The following CORIN variants were observed in gnomAD, a reference collection of about 807,000 sequenced individuals.
CORIN encodes the protein atrial natriuretic peptide-converting enzyme.
Under a neutral mutation model 125.3 loss-of-function variants are expected in CORIN, and 117 were observed. The ratio of observed to expected loss-of-function variants is 0.93; its 90% confidence interval spans 0.80 to 1.09. The LOEUF (loss-of-function observed/expected upper bound fraction) is 1.09, where lower values mean the gene tolerates loss of function less well. CORIN is among the 50% of genes least tolerant of loss of function. The pLI is 0.00. For synonymous variants in CORIN, 450 were observed against 466.4 expected (o/e 0.96, Z 0.45); for missense variants, 1,253 against 1,306.7 (o/e 0.96, Z 0.63).
chr4:47,602,838 G>A (rs1350797864), intron 20 of CORIN, among the ~76,000 whole-genome samples: 1 of 152,102 alleles, frequency 6.6e-6, no homozygotes, highest in Non-Finnish European at 1.5e-5. Context: ...ATTTTTGTAA[G>A]AGAAAATGGG....
intron 3 of CORIN, among the ~76,000 whole-genome samples, chr4:47,781,496 G>C (rs560098352): frequency 1.2e-4 from 18 of 152,310 alleles, no homozygotes; most frequent in African/African-American, 3.8e-4. Flanking sequence ...TAATGTAAAT[G>C]TTCTGAGCAC....
At chr4:47,666,236 C>T (rs1560496356) in intron 10 of CORIN, among the ~76,000 whole-genome samples, 1 of 152,198 alleles carries the variant, frequency 6.6e-6, no homozygotes, top group Non-Finnish European at 1.5e-5. Context: ...ACATACCCAC[C>T]ATATGTTCAT....
At chr4:47,638,053 C>T (rs1421122340) in intron 16 of CORIN, among the ~76,000 whole-genome samples, 1 of 148,096 alleles carries the variant, frequency 6.8e-6, no homozygotes, top group Non-Finnish European at 1.5e-5. Context: ...AGATGCAAGA[C>T]ATGGAGTCAA....
At chr4:47,623,271 T>C (rs150188061) in intron 19 of CORIN, among the ~76,000 whole-genome samples, 2 of 152,210 alleles carry the variant, frequency 1.3e-5, no homozygotes, top group African/African-American at 4.8e-5. Flanking sequence ...ATATATGTGA[T>C]ATATTTAAGA....
intron 19 of CORIN, among the ~76,000 whole-genome samples, chr4:47,610,735 T>A (rs901726085): frequency 6.6e-6 from 1 of 152,222 alleles, no homozygotes; most frequent in Non-Finnish European, 1.5e-5. Flanking sequence ...GTTTTACATC[T>A]AAGTCTTTAA....
intron 5 of CORIN, among the ~76,000 whole-genome samples, chr4:47,717,348 T>C (rs1156429372): frequency 2.0e-5 from 3 of 152,190 alleles, no homozygotes; most frequent in Admixed American, 6.5e-5. Context: ...ATTGTTCTTA[T>C]CAAATGCAGA....
intron 10 of CORIN, among the ~76,000 whole-genome samples, chr4:47,667,349 T>C (rs983256807): frequency 2.0e-5 from 3 of 152,132 alleles, no homozygotes; most frequent in African/African-American, 4.8e-5. Context: ...TTGGGCAGCT[T>C]TGGGGGAATA....
chr4:47,627,004 G>T (rs1472088748), intron 16 of CORIN, among the ~76,000 whole-genome samples: 3 of 149,402 alleles, frequency 2.0e-5, no homozygotes, highest in African/African-American at 7.4e-5. Flanking sequence ...TTTTTTTTTT[G>T]ATGAAGTCTT....
intron 3 of CORIN, among the ~76,000 whole-genome samples, chr4:47,770,661 T>A (rs777698800): frequency 6.6e-6 from 1 of 152,160 alleles, no homozygotes; most frequent in Non-Finnish European, 1.5e-5. Flanking sequence ...AAAGAACATG[T>A]AGTATATACA....
chr4:47,716,651 AAT>A (rs989467089), intron 5 of CORIN, among the ~76,000 whole-genome samples: 2 of 152,142 alleles, frequency 1.3e-5, no homozygotes, highest in African/African-American at 4.8e-5. Flanking sequence ...TCAAATATAT[AAT>A]ATATATAGAT....
chr4:47,833,812 A>G (rs554307765), intron 1 of CORIN, among the ~76,000 whole-genome samples: 1 of 152,342 alleles, frequency 6.6e-6, no homozygotes, highest in East Asian at 1.9e-4. Flanking sequence ...AAGATGCTCA[A>G]CATCACCAAT....
At chr4:47,692,841 TG>T in intron 6 of CORIN, 128 bp downstream of exon 6, 4 of 704,542 alleles carry the variant, frequency 5.7e-6, no homozygotes, top group Non-Finnish European at 1.0e-5. Context: ...GCTGTCATTC[TG>T]GGGGAAGATA....
At chr4:47,663,401 C>T (rs1724338205) in intron 11 of CORIN, among the ~76,000 whole-genome samples, 1 of 151,894 alleles carries the variant, frequency 6.6e-6, no homozygotes, top group African/African-American at 2.4e-5. Context: ...AACTTATTAG[C>T]ATATTATTCA....
intron 19 of CORIN, among the ~76,000 whole-genome samples, chr4:47,608,180 G>A (rs1396576088): frequency 1.3e-5 from 2 of 150,672 alleles, no homozygotes; most frequent in African/African-American, 4.9e-5. Flanking sequence ...AATTAGCTAG[G>A]TGTGATGGCA....
intron 16 of CORIN, chr4:47,632,157 G>A (rs1384967694): frequency 1.3e-5 from 2 of 152,092 alleles, no homozygotes; most frequent in Non-Finnish European, 2.9e-5. Context: ...CCCAAAACCA[G>A]GGCTTTTTTC....
chr4:47,678,716 A>G (rs1366146352), intron 8 of CORIN, among the ~76,000 whole-genome samples: 2 of 152,272 alleles, frequency 1.3e-5, no homozygotes, highest in East Asian at 3.9e-4. Flanking sequence ...TTCTATACCT[A>G]TTGTCTTTTA....
rs1553917107 is a variant in CORIN, at chr4:47,772,113, A to ATAGG, written c.410-8531_410-8528dup. On this transcript the variant is annotated intron_variant, in intron 3 of 21. Transcript: ENST00000273857. ...GATAGATAGATAGATAGATAGATAG[A>ATAGG]TAGGTAGATAGATAATTGTCTCTAT... Among the ~76,000 whole-genome samples the ATAGG allele has an allele frequency of 4.4e-3, 671 of 151,438 alleles. 4 individuals carry two copies. The highest frequency in any genetic ancestry group is 0.015 in the African/African-American group (601 of 40,992).
intron 16 of CORIN, among the ~76,000 whole-genome samples, chr4:47,633,120 G>T (rs1722906425): frequency 6.6e-6 from 1 of 152,096 alleles, no homozygotes; most frequent in Admixed American, 6.6e-5. Context: ...GTCTATCTCA[G>T]AGATGGAGTG....
rs200150723 is a variant in CORIN, at chr4:47,678,064, A to G, written c.1133-10T>C. 5.9e-4 allele frequency: 918 copies of G among 1,566,118 alleles called. 2 individuals are homozygous for G. In the African/African-American group the frequency reaches 0.011, roughly 19 times the overall value. ...CCCTGGCTGTGACAGGCTAGGAAGG[A>G]CCATAACAATATTCACTTTATTTAT... On this transcript the variant is annotated splice_polypyrimidine_tract_variant and intron_variant, in intron 8 of 21. Coordinates refer to ENST00000273857, the MANE Select transcript of CORIN (RefSeq NM_006587.4).
Sources: allele counts gnomAD v4.1 joint callset (sites outside exome capture counted in the v4.1 genomes callset), GRCh38; gene constraint gnomAD v4.1.1; transcripts MANE v1.5; gene names NCBI Gene and HGNC (gene_info 2026-07-23, HGNC 2026-07-21).